Variants in MGAM2 observed in about 807,000 individuals in gnomAD.
MGAM2 encodes the protein probable maltase-glucoamylase 2.
MGAM2 carries 98 observed loss-of-function variants against 96.1 expected under a neutral mutation model. The ratio of observed to expected loss-of-function variants is 1.02; its 90% confidence interval spans 0.87 to 1.21. The LOEUF (loss-of-function observed/expected upper bound fraction) is 1.21, where lower values mean the gene tolerates loss of function less well. MGAM2 is among the 50% of genes most tolerant of loss of function. The pLI is 0.00. For synonymous variants in MGAM2, 749 were observed against 414.8 expected (o/e 1.81, Z -9.79); for missense variants, 2,055 against 1,182.4 (o/e 1.74, Z -10.82).
intron 40 of MGAM2, among the ~76,000 whole-genome samples, chr7:142,197,194 G>C (rs912333275): frequency 2.6e-5 from 4 of 152,158 alleles, no homozygotes; most frequent in African/African-American, 9.7e-5. Flanking sequence ...ACCTATTCCA[G>C]GGACTTAGGA....
chr7:142,177,014 T>A (rs1282279310), intron 32 of MGAM2, among the ~76,000 whole-genome samples: 1 of 152,228 alleles, frequency 6.6e-6, no homozygotes, highest in Non-Finnish European at 1.5e-5. Flanking sequence ...AAACTTTTTT[T>A]AACTTCTATT....
intron 6 of MGAM2, among the ~76,000 whole-genome samples, 161 bp downstream of exon 6, chr7:142,132,246 A>G (rs1383968872): frequency 6.6e-6 from 1 of 151,212 alleles, no homozygotes; most frequent in Non-Finnish European, 1.5e-5. Context: ...GTGTTAGCCT[A>G]TCATGCTCGT....
Position 142,171,444 on chromosome 7 carries a change from G to A in MGAM2, c.3351+4G>A. 4.3e-6 allele frequency: 3 copies of A among 702,332 alleles called. No individual in the cohort carries two copies. The highest frequency in any genetic ancestry group is 7.8e-6 in the Non-Finnish European group (3 of 384,378). The allele number at this position is 702,332 out of a possible 1,614,324, so 43.5% of individuals were successfully genotyped here. A position where few individuals can be genotyped will look rare whatever the true frequency, so the allele number is the denominator to read the frequency against. The stretch of plus-strand genomic sequence containing the variant: ...TGCTCATGATGAGCCACCTGCGGTA[G>A]GGACAAAGGAATAAGTTTAGCAATC... On this transcript the variant is annotated splice_donor_region_variant and intron_variant, in intron 28 of 47. Coordinates refer to ENST00000477922, the MANE Select transcript of MGAM2 (RefSeq NM_001293626.2).
At chr7:142,206,984 A>G (rs976053541) in intron 45 of MGAM2, among the ~76,000 whole-genome samples, 6 of 152,246 alleles carry the variant, frequency 3.9e-5, no homozygotes, top group Admixed American at 2.6e-4. Flanking sequence ...TTTTCTAGCC[A>G]AGACTAAATT....
chr7:142,165,113 A>C lies in MGAM2; in HGVS notation c.2652+90A>C, dbSNP rs1347294517. ...TTTGCTCTTTTAACTGTGGGCAGTC[A>C]GACACAACTGACTTGCTGGGAGGTC... On this transcript the variant is annotated intron_variant, in intron 24 of 47. Transcript: ENST00000477922. 5.3e-6 allele frequency: 3 copies of C among 568,620 alleles called. No individual in the cohort carries two copies. In the African/African-American group the frequency reaches 5.7e-5, roughly 11 times the overall value. The allele number at this position is 568,620 out of a possible 1,614,324, so 35.2% of individuals were successfully genotyped here.
Position 142,194,814 on chromosome 7 carries a change from C to T in MGAM2, c.4347-1340C>T, listed in dbSNP as rs188092029. Among the ~76,000 whole-genome samples the T allele has an allele frequency of 1.1e-4, 17 of 151,660 alleles. 1 individual carries two copies. Among genetic ancestry groups the T allele is most frequent in the Admixed American group, 1.1e-3 (17 of 15,182 alleles). On this transcript the variant is annotated intron_variant, in intron 37 of 47. Coordinates refer to ENST00000477922, the MANE Select transcript of MGAM2 (RefSeq NM_001293626.2). Reference sequence around the variant, plus strand: ...TAGTTTACACAACAGTAGTCAGCTACTTTTCCTGACATCATTTATTGACTA... The same window carrying T: ...TAGTTTACACAACAGTAGTCAGCTATTTTTCCTGACATCATTTATTGACTA...
intron 12 of MGAM2, among the ~76,000 whole-genome samples, chr7:142,142,956 G>C (rs1409342148): frequency 6.6e-6 from 1 of 152,184 alleles, no homozygotes; most frequent in African/African-American, 2.4e-5. Flanking sequence ...CTGGGGTGCA[G>C]AGTTAACATC....
intron 32 of MGAM2, among the ~76,000 whole-genome samples, chr7:142,181,350 T>G (rs2129094231): frequency 6.6e-6 from 1 of 152,320 alleles, no homozygotes; most frequent in Admixed American, 6.5e-5. Flanking sequence ...ATTCCTGCAT[T>G]GGGTTTCACA....
intron 37 of MGAM2, among the ~76,000 whole-genome samples, chr7:142,195,065 T>C (rs1796989062): frequency 6.6e-6 from 1 of 152,146 alleles, no homozygotes; most frequent in Non-Finnish European, 1.5e-5. Context: ...CTTTTTGAGG[T>C]ACAGAAAAGC....
At chr7:142,128,969 C>T (rs776285100) in intron 3 of MGAM2, among the ~76,000 whole-genome samples, 15 of 152,144 alleles carry the variant, frequency 9.9e-5, no homozygotes, top group East Asian at 1.9e-4. Context: ...ACTGCATGCC[C>T]GGAAAAGCCG....
chr7:142,123,971 T>TC (rs1175929118), intron 3 of MGAM2, among the ~76,000 whole-genome samples: 1 of 123,964 alleles, frequency 8.1e-6, no homozygotes, highest in African/African-American at 3.0e-5. Flanking sequence ...AACTTTTTTT[T>TC]TTTTTTTTTT....
At position 142,221,332 on chromosome 7, in the gene MGAM2, C is replaced by G. The variant is rs1239629805; in HGVS notation, c.6821C>G (p.Pro2274Arg). 3 of 640,826 alleles carry G rather than the reference C, an allele frequency of 4.7e-6. No individual in the cohort carries two copies. In the African/African-American group the frequency reaches 5.4e-5, roughly 12 times the overall value. 39.7% of individuals were successfully genotyped at this position (640,826 alleles called of 1,614,324 possible). The change falls in exon 48 of 48, where the codon CCA becomes CGA. Residue 2274 changes from proline to arginine, a missense_variant. Pro to Arg is a moderately radical substitution (Grantham distance 103). Transcript: ENST00000477922. ...NSVPFVTTPS[P>R]STDATTTSNN... is the part of the protein sequence containing the mutation. ...GTTCCTTTTGTGACTACTCCTTCTCCAAGTACTGATGCTACTACTACAAGT... is the reference window on the plus strand; with the variant it reads ...GTTCCTTTTGTGACTACTCCTTCTCGAAGTACTGATGCTACTACTACAAGT...
intron 3 of MGAM2, among the ~76,000 whole-genome samples, chr7:142,129,691 G>T (rs1794827137): frequency 6.6e-6 from 1 of 151,206 alleles, no homozygotes; most frequent in African/African-American, 2.4e-5. Context: ...CAGGTGTGGT[G>T]GTGGGAGCCT....
In MGAM2 at chr7:142,144,952, T is replaced by C. The variant is rs1795340113; in HGVS notation, c.1516+7T>C. 1 of 702,644 alleles carries C rather than the reference T, an allele frequency of 1.4e-6. No homozygotes were observed. The highest frequency in any genetic ancestry group is 1.7e-5 in the African/African-American group (1 of 57,250). The allele number at this position is 702,644 out of a possible 1,614,324, so 43.5% of individuals were successfully genotyped here. A position where few individuals can be genotyped will look rare whatever the true frequency, so the allele number is the denominator to read the frequency against. On this transcript the variant is annotated splice_region_variant and intron_variant, in intron 14 of 47. Coordinates refer to ENST00000477922, the MANE Select transcript of MGAM2 (RefSeq NM_001293626.2). The stretch of plus-strand genomic sequence containing the variant: ...TTTCCTCCTTTTCTTCCTAGTAAGT[T>C]TTCACCTGTTTGCTATGACGTAGGA...
At chr7:142,112,309 C>T (rs2129072125) in intron 1 of MGAM2, among the ~76,000 whole-genome samples, 1 of 152,174 alleles carries the variant, frequency 6.6e-6, no homozygotes, top group South Asian at 2.1e-4. Context: ...CAGGGTTATT[C>T]CCAGAGCGTT....
intron 9 of MGAM2, among the ~76,000 whole-genome samples, 170 bp downstream of exon 9, chr7:142,137,715 T>A (rs1795100956): frequency 6.6e-6 from 1 of 152,210 alleles, no homozygotes; most frequent in African/African-American, 2.4e-5. Context: ...TATTGGGTGC[T>A]TTCTGCATTC....
intron 45 of MGAM2, among the ~76,000 whole-genome samples, chr7:142,206,875 G>T (rs1797416716): frequency 6.6e-6 from 1 of 152,166 alleles, no homozygotes; most frequent in Admixed American, 6.5e-5. Flanking sequence ...TATAATGGCT[G>T]TTCAAGGATA....
intron 23 of MGAM2, 107 bp from the exon 24 acceptor site, chr7:142,164,749 A>G: frequency 1.8e-6 from 1 of 544,422 alleles, no homozygotes; most frequent in South Asian, 2.8e-5. Context: ...AACTGCAGAG[A>G]AAAGGAAACA....
chr7:142,144,059 A>G (rs1795314552), intron 13 of MGAM2, 177 bp downstream of exon 13: 1 of 446,682 alleles, frequency 2.2e-6, no homozygotes, highest in Non-Finnish European at 4.0e-6. Context: ...GGCTCCTAAG[A>G]GCCTTAGGTT....
Sources: allele counts gnomAD v4.1 joint callset (sites outside exome capture counted in the v4.1 genomes callset), GRCh38; gene constraint gnomAD v4.1.1; transcripts MANE v1.5; gene names NCBI Gene and HGNC (gene_info 2026-07-23, HGNC 2026-07-21).